PSMD5: variants seen among roughly 807,000 people sequenced by gnomAD.
PSMD5 encodes 26S proteasome non-ATPase regulatory subunit 5.
PSMD5 carries 40 observed loss-of-function variants against 52.1 expected under a neutral mutation model. That is an observed-to-expected ratio of 0.77 (90% CI 0.60 to 1.00). PSMD5 has a LOEUF of 1.00. Among genes scored for constraint, PSMD5 ranks in the 50% least tolerant of loss-of-function variants. The pLI is 0.00. For missense variants in PSMD5, 575 were observed against 605.2 expected, an observed-to-expected ratio of 0.95 and a Z score of 0.52; for synonymous variants, 211 against 226.6, an observed-to-expected ratio of 0.93 and a Z score of 0.62.
intron 1 of PSMD5, among the ~76,000 whole-genome samples, chr9:120,837,110 C>T (rs955742244): frequency 3.3e-5 from 5 of 152,106 alleles, no homozygotes; most frequent in Non-Finnish European, 7.4e-5. Context: ...AGGATGGTCT[C>T]TATCTCCTGA....
In PSMD5 at chr9:120,841,216, TA is replaced by T. The variant is rs578101650; in HGVS notation, c.173+1520del. ...ATGCCTGTGGGGGTTGGGAAGATTGTAATCCTTTTTAAAAATTACAGGTTAA... is the reference window on the plus strand; with the variant it reads ...ATGCCTGTGGGGGTTGGGAAGATTGTATCCTTTTTAAAAATTACAGGTTAA... On this transcript the variant is annotated intron_variant, in intron 1 of 9. Coordinates refer to ENST00000210313, the MANE Select transcript of PSMD5 (RefSeq NM_005047.4). 1.8e-3 allele frequency among the ~76,000 whole-genome samples: 269 copies of T among 152,366 alleles called. 3 individuals are homozygous for T. Among genetic ancestry groups the T allele is most frequent in the African/African-American group, 6.2e-3 (256 of 41,594 alleles).
chr9:120,838,957 C>T (rs1365761029), intron 1 of PSMD5, among the ~76,000 whole-genome samples: 7 of 152,198 alleles, frequency 4.6e-5, no homozygotes, highest in Non-Finnish European at 8.8e-5. Context: ...AGAACTATAA[C>T]ATAGGTAATA....
intron 9 of PSMD5, among the ~76,000 whole-genome samples, chr9:120,818,378 A>C (rs1308653910): frequency 6.6e-6 from 1 of 152,224 alleles, no homozygotes; most frequent in Non-Finnish European, 1.5e-5. Flanking sequence ...TGAAAGTTAC[A>C]ATATAAATAT....
Position 120,820,908 on chromosome 9 carries a change from C to T in PSMD5, c.1188G>A (p.Leu396=), listed in dbSNP as rs2045079412. 6.2e-7 allele frequency: 1 copy of T among 1,610,030 alleles called. No homozygotes were observed. The highest frequency in any genetic ancestry group is 1.7e-5 in the Admixed American group (1 of 58,368). The change falls in exon 9 of 10, where the codon CTG becomes CTA. Residue 396 remains leucine (L), a synonymous_variant. Transcript: ENST00000210313. ...GACTACTAATGCCACGGAAGAGCTC[C>T]AGTGGATCCCGAGATAAAGAAGAAA... is the stretch of plus-strand genomic sequence containing the variant. The part of the protein sequence containing the change: ...SWFSSLSRDP[L]ELFRGISSQP...
intron 6 of PSMD5, among the ~76,000 whole-genome samples, chr9:120,825,649 T>C (rs1363980610): frequency 2.0e-5 from 3 of 152,198 alleles, no homozygotes; most frequent in Non-Finnish European, 2.9e-5. Flanking sequence ...CTTAAATTTA[T>C]TCATAAATAT....
chr9:120,821,312 C>T, intron 8 of PSMD5, 43 bp downstream of exon 8: 2 of 1,289,366 alleles, frequency 1.6e-6, no homozygotes, highest in South Asian at 1.4e-5. Context: ...TTTATTCTCC[C>T]AAACATATCC....
At position 120,829,831 on chromosome 9, in the gene PSMD5, T is replaced by TGTAA. The variant is rs200853071; in HGVS notation, c.562-624_562-623insTTAC. 2.6e-5 allele frequency among the ~76,000 whole-genome samples: 4 copies of TGTAA among 152,308 alleles called. No homozygotes were observed. In the East Asian group the frequency reaches 7.7e-4, roughly 29 times the overall value. On this transcript the variant is annotated intron_variant, in intron 4 of 9. Coordinates refer to ENST00000210313, the MANE Select transcript of PSMD5 (RefSeq NM_005047.4). ...AAACCATTCACTCATTCAGGCATCC[T>TGTAA]GTCAGTCAGTCAGTCAGTCATTCAC...
At position 120,826,844 on chromosome 9, in the gene PSMD5, A is replaced by C; in HGVS notation, c.735T>G (p.Ala245=). ...AYTHHGRQYL[A]QEGVIDQISN... ...AAATTTGGTCAATTACTCCTTCTTG[A>C]GCAAGATATTGTCGCCCATGATGAG... The change falls in exon 6 of 10, where the codon GCT becomes GCG. Residue 245 remains alanine, a synonymous_variant. Coordinates refer to ENST00000210313, the MANE Select transcript of PSMD5 (RefSeq NM_005047.4). 1 of 1,613,492 alleles carries C rather than the reference A, an allele frequency of 6.2e-7. No homozygotes were observed. Among genetic ancestry groups the C allele is most frequent in the Non-Finnish European group, 8.5e-7 (1 of 1,179,406 alleles).
In PSMD5 at chr9:120,827,834, G is replaced by A. The variant is rs184427461; in HGVS notation, c.672-927C>T. 4.5e-4 allele frequency among the ~76,000 whole-genome samples: 69 copies of A among 152,316 alleles called. 1 individual carries two copies. The highest frequency in any genetic ancestry group is 1.5e-3 in the African/African-American group (64 of 41,564). On this transcript the variant is annotated intron_variant, in intron 5 of 9. Transcript: ENST00000210313. ...AAGCAAATCAACTGTTCAACAGTGAGGAGGTATTAGTAAACTGTGGAATAT... is the reference window on the plus strand; with the variant it reads ...AAGCAAATCAACTGTTCAACAGTGAAGAGGTATTAGTAAACTGTGGAATAT...
At chr9:120,820,741 G>A (rs1322857597) in intron 9 of PSMD5, 98 bp downstream of exon 9, 5 of 1,243,802 alleles carry the variant, frequency 4.0e-6, no homozygotes, top group Non-Finnish European at 4.4e-6. Context: ...CTATGCACTT[G>A]TGCATCCCCA....
At chr9:120,838,501 CACA>C (rs1285293837) in intron 1 of PSMD5, among the ~76,000 whole-genome samples, 2 of 152,208 alleles carry the variant, frequency 1.3e-5, no homozygotes, top group African/African-American at 4.8e-5. Context: ...TGAACCAACA[CACA>C]ACAACTTATG....
chr9:120,819,553 G>A (rs1303463446), intron 9 of PSMD5, among the ~76,000 whole-genome samples: 1 of 152,196 alleles, frequency 6.6e-6, no homozygotes, highest in Non-Finnish European at 1.5e-5. Flanking sequence ...AAATGTTTCT[G>A]GCTAGGCGCG....
intron 5 of PSMD5, among the ~76,000 whole-genome samples, chr9:120,827,379 T>C (rs2045129795): frequency 6.6e-6 from 1 of 152,210 alleles, no homozygotes; most frequent in African/African-American, 2.4e-5. Flanking sequence ...CTGCATACTT[T>C]AGTATGCATC....
At chr9:120,827,573 G>A (rs1474347927) in intron 5 of PSMD5, among the ~76,000 whole-genome samples, 1 of 152,002 alleles carries the variant, frequency 6.6e-6, no homozygotes, top group Non-Finnish European at 1.5e-5. Context: ...TTTTTTCTAT[G>A]TCACAAAATT....
At chr9:120,829,563 G>T (rs960140531) in intron 4 of PSMD5, among the ~76,000 whole-genome samples, 1 of 151,950 alleles carries the variant, frequency 6.6e-6, no homozygotes, top group Non-Finnish European at 1.5e-5. Context: ...CTGGCTAATT[G>T]TTTTGTATTT....
At chr9:120,827,232 T>C (rs1409736441) in intron 5 of PSMD5, among the ~76,000 whole-genome samples, 1 of 152,254 alleles carries the variant, frequency 6.6e-6, no homozygotes, top group Middle Eastern at 3.2e-3. Context: ...ACAAAAGTAA[T>C]GAGAATACAA....
chr9:120,831,594 A>G, intron 3 of PSMD5, 135 bp from the exon 4 acceptor site: 3 of 1,202,040 alleles, frequency 2.5e-6, no homozygotes, highest in Non-Finnish European at 2.3e-6. Context: ...GAAAAGACGC[A>G]AGGTATCCCC....
chr9:120,820,342 AT>A (rs1483351418), intron 9 of PSMD5, among the ~76,000 whole-genome samples: 1 of 152,218 alleles, frequency 6.6e-6, no homozygotes, highest in Non-Finnish European at 1.5e-5. Flanking sequence ...GAGAACCAAC[AT>A]TGTTTAACTC....
In PSMD5 at chr9:120,817,919, T is replaced by A; in HGVS notation, c.1502A>T (p.Glu501Val). The A allele has an allele frequency of 6.2e-7, 1 of 1,612,848 alleles. No individual in the cohort carries two copies. Among genetic ancestry groups the A allele is most frequent in the Non-Finnish European group, 8.5e-7 (1 of 1,178,894 alleles). Residue 501 changes from glutamate (E) to valine (V), a missense_variant, in exon 10 of 10, where the codon GAA (glutamate) becomes GTA (valine). Glu to Val is a moderately radical substitution (Grantham distance 121, BLOSUM62 -2). Transcript: ENST00000210313. Reference sequence around the variant, plus strand: ...CTCTAGAAGAAATCATTCGGCTCCTTCTACTGCTGTCGTGGAAACAGGTTT... The same window carrying A: ...CTCTAGAAGAAATCATTCGGCTCCTACTACTGCTGTCGTGGAAACAGGTTT... ...YVKPVSTTAV[E>V]GAE
Sources: allele counts gnomAD v4.1 joint callset (sites outside exome capture counted in the v4.1 genomes callset), GRCh38; gene constraint gnomAD v4.1.1; transcripts MANE v1.5; gene names NCBI Gene and HGNC (gene_info 2026-07-23, HGNC 2026-07-21).